ADAMTSL1: variants seen among roughly 807,000 people sequenced by gnomAD.
ADAMTSL1 encodes ADAMTS like 1.
ADAMTSL1 carries 126 observed loss-of-function variants against 201.8 expected under a neutral mutation model. That is an observed-to-expected ratio of 0.62 (90% CI 0.54 to 0.72). The LOEUF (loss-of-function observed/expected upper bound fraction) is 0.72, where lower values mean the gene tolerates loss of function less well. Among genes scored for constraint, ADAMTSL1 ranks in the 30% least tolerant of loss-of-function variants. The probability of loss-of-function intolerance (pLI) is 0.00; values close to 1 mark genes in which losing one functional copy is unlikely to be tolerated. For missense variants in ADAMTSL1, 2,679 were observed against 2,277.8 expected, an observed-to-expected ratio of 1.18 and a Z score of -3.59; for synonymous variants, 1,121 against 903.4, an observed-to-expected ratio of 1.24 and a Z score of -4.32.
intron 15 of ADAMTSL1, among the ~76,000 whole-genome samples, chr9:18,735,258 C>T (rs1401963794): frequency 6.6e-6 from 1 of 152,160 alleles, no homozygotes; most frequent in African/African-American, 2.4e-5. Flanking sequence ...CAATGACTTG[C>T]CGTCTCCCTC....
intron 10 of ADAMTSL1, 78 bp downstream of exon 10, chr9:18,675,985 A>C: frequency 7.8e-7 from 1 of 1,276,082 alleles, no homozygotes; most frequent in Non-Finnish European, 1.1e-6. Flanking sequence ...AGAGATATAC[A>C]TATACATAGA....
intron 20 of ADAMTSL1, among the ~76,000 whole-genome samples, chr9:18,797,941 T>G (rs1280831883): frequency 6.6e-6 from 1 of 152,208 alleles, no homozygotes; most frequent in Non-Finnish European, 1.5e-5. Context: ...TCTTTCAGTA[T>G]GTGTCTTAAC....
chr9:18,000,066 C>G (rs867417691), intron 1 of ADAMTSL1, among the ~76,000 whole-genome samples: 1 of 149,232 alleles, frequency 6.7e-6, no homozygotes, highest in Admixed American at 6.7e-5. Context: ...AATAAACATA[C>G]GTGTGCATGT....
chr9:18,216,727 C>G lies in ADAMTSL1; in HGVS notation c.207+52746C>G, dbSNP rs904702543. 2.9e-5 allele frequency among the ~76,000 whole-genome samples: 4 copies of G among 137,612 alleles called. No individual in the cohort carries two copies. The South Asian group carries it at 6.8e-4, about 24-fold the overall frequency. 90.3% of individuals were successfully genotyped at this position (137,612 alleles called of 152,430 possible). On this transcript the variant is annotated intron_variant, in intron 2 of 29. Coordinates refer to the ADAMTSL1 transcript ENST00000680146. ...TCTTCCATTTTCCTTTAGTTTTTTT[C>G]TCCTCCCTTCTACCCTGTCCTCTTG...
intron 2 of ADAMTSL1, among the ~76,000 whole-genome samples, chr9:18,207,211 G>A (rs1315525372): frequency 2.0e-5 from 3 of 151,908 alleles, no homozygotes; most frequent in African/African-American, 7.2e-5. Flanking sequence ...GAAGGGAAAG[G>A]AAGAAGGTAG....
At chr9:18,905,357 T>C (rs1262336599) in intron 26 of ADAMTSL1, 2 of 162,836 alleles carry the variant, frequency 1.2e-5, no homozygotes, top group African/African-American at 2.4e-5. Context: ...TAAGAAAGGA[T>C]GGAGTTGGTT....
intron 2 of ADAMTSL1, among the ~76,000 whole-genome samples, chr9:18,400,783 T>C (rs1409758710): frequency 6.6e-6 from 1 of 152,170 alleles, no homozygotes; most frequent in African/African-American, 2.4e-5. Flanking sequence ...AGGTACCCCT[T>C]ACATTAGGGT....
At chr9:17,992,160 A>G (rs1819181750) in intron 1 of ADAMTSL1, among the ~76,000 whole-genome samples, 1 of 151,870 alleles carries the variant, frequency 6.6e-6, no homozygotes, top group Admixed American at 6.6e-5. Flanking sequence ...CTTTTCCCAC[A>G]CCCCTGTCCA....
intron 1 of ADAMTSL1, among the ~76,000 whole-genome samples, chr9:18,503,421 G>GTGTGTATA (rs376466829): frequency 8.7e-5 from 10 of 115,266 alleles, no homozygotes; most frequent in African/African-American, 2.2e-4. Flanking sequence ...ATTCCATTGT[G>GTGTGTATA]TATATATATA....
intron 23 of ADAMTSL1, among the ~76,000 whole-genome samples, chr9:18,853,415 C>A (rs1826626839): frequency 6.6e-6 from 1 of 152,032 alleles, no homozygotes; most frequent in Non-Finnish European, 1.5e-5. Flanking sequence ...GTTAGGGATG[C>A]AATCCTAGGG....
At chr9:18,869,017 A>G (rs1445735539) in intron 23 of ADAMTSL1, among the ~76,000 whole-genome samples, 3 of 152,240 alleles carry the variant, frequency 2.0e-5, no homozygotes, top group Non-Finnish European at 4.4e-5. Flanking sequence ...CCCTAATCCA[A>G]CATGACTGGT....
chr9:18,776,659 G>A (rs1040713874), intron 18 of ADAMTSL1, 122 bp from the exon 19 acceptor site: 5 of 1,170,010 alleles, frequency 4.3e-6, no homozygotes, highest in Non-Finnish European at 4.6e-6. Flanking sequence ...CGGCACCTTC[G>A]TCTCTCCTTC....
At chr9:18,598,123 A>G (rs1176732951) in intron 4 of ADAMTSL1, among the ~76,000 whole-genome samples, 1 of 152,230 alleles carries the variant, frequency 6.6e-6, no homozygotes, top group East Asian at 1.9e-4. Flanking sequence ...CAAGGCCAAG[A>G]CAAATTCAGA....
At chr9:18,577,655 T>C (rs1457035134) in intron 4 of ADAMTSL1, among the ~76,000 whole-genome samples, 1 of 152,186 alleles carries the variant, frequency 6.6e-6, no homozygotes, top group Admixed American at 6.5e-5. Flanking sequence ...AAATGTTTAA[T>C]AAACTGTAAA....
chr9:18,550,253 ATTAAGGTTGCAGACCTTAAGATC>A (rs542538331), intron 3 of ADAMTSL1, among the ~76,000 whole-genome samples: 117 of 152,010 alleles, frequency 7.7e-4, no homozygotes, highest in South Asian at 4.8e-3. Context: ...TACTTCTGTA[ATTAAGGTTGCAGACCTTAAGATC>A]TTAAGGTTGC....
chr9:18,408,187 G>A (rs1342967899), intron 2 of ADAMTSL1, among the ~76,000 whole-genome samples: 1 of 152,138 alleles, frequency 6.6e-6, no homozygotes, highest in Non-Finnish European at 1.5e-5. Context: ...GTATATTAAG[G>A]GCCAGGCGCT....
intron 23 of ADAMTSL1, among the ~76,000 whole-genome samples, chr9:18,839,461 C>T (rs542106180): frequency 6.6e-6 from 1 of 152,086 alleles, no homozygotes; most frequent in Admixed American, 6.5e-5. Flanking sequence ...GGTTCCATGT[C>T]TTTGCTATTG....
chr9:18,136,461 C>T (rs1054830204), intron 1 of ADAMTSL1, among the ~76,000 whole-genome samples: 5 of 151,948 alleles, frequency 3.3e-5, no homozygotes, highest in South Asian at 2.1e-4. Context: ...CAGTCCCTGA[C>T]GTTGTAGGAT....
At chr9:18,144,367 G>A (rs916479543) in intron 1 of ADAMTSL1, among the ~76,000 whole-genome samples, 1 of 151,756 alleles carries the variant, frequency 6.6e-6, no homozygotes, top group African/African-American at 2.4e-5. Flanking sequence ...CATCAAACCT[G>A]GCTAATTTTT....
Sources: gnomAD v4.1 joint callset for allele counts (sites outside exome capture counted in the v4.1 genomes callset) on GRCh38, gnomAD v4.1.1 for gene constraint, MANE v1.5 for transcripts, NCBI Gene and HGNC (gene_info 2026-07-23, HGNC 2026-07-21) for gene names.